PRPF38A: variants seen among roughly 807,000 people sequenced by gnomAD.
PRPF38A encodes the protein pre-mRNA processing factor 38A.
PRPF38A carries 11 observed loss-of-function variants against 46.8 expected under a neutral mutation model. The ratio of observed to expected loss-of-function variants is 0.24; its 90% CI spans 0.15 to 0.39. The LOEUF (loss-of-function observed/expected upper bound fraction) is 0.39. PRPF38A is among the 10% of genes least tolerant of loss of function. The pLI, the probability that PRPF38A is intolerant of heterozygous loss-of-function variation, is 1.00. For synonymous variants in PRPF38A, 124 were observed against 136.2 expected, an observed-to-expected ratio of 0.91 and a Z score of 0.62; for missense variants, 261 against 407.5, an observed-to-expected ratio of 0.64 and a Z score of 3.10.
intron 5 of PRPF38A, among the ~76,000 whole-genome samples, 163 bp from the exon 6 acceptor site, chr1:52,413,712 TGTTA>T (rs1160269281): frequency 6.6e-6 from 1 of 152,204 alleles, no homozygotes; most frequent in Non-Finnish European, 1.5e-5. Flanking sequence ...TAATAAGTTT[TGTTA>T]GTTAATAGGG....
At chr1:52,407,847 G>GGA (rs567902886) in intron 2 of PRPF38A, among the ~76,000 whole-genome samples, 35 of 152,238 alleles carry the variant, frequency 2.3e-4, no homozygotes, top group Non-Finnish European at 4.7e-4. Flanking sequence ...CCTGAGGTCA[G>GGA]GAGTTTGAGA....
At chr1:52,415,914 C>A (rs1045317228) in intron 9 of PRPF38A, among the ~76,000 whole-genome samples, 2 of 136,600 alleles carry the variant, frequency 1.5e-5, no homozygotes, top group African/African-American at 5.6e-5. Context: ...GCAATCTCGG[C>A]TCACTGCAAG....
chr1:52,413,502 C>T (rs1410769399), intron 5 of PRPF38A, among the ~76,000 whole-genome samples: 1 of 151,940 alleles, frequency 6.6e-6, no homozygotes, highest in Non-Finnish European at 1.5e-5. Flanking sequence ...CTCAAGCAGT[C>T]TTCCCATCTC....
chr1:52,415,047 G>GT (rs1305805942), intron 8 of PRPF38A, among the ~76,000 whole-genome samples, 188 bp downstream of exon 8: 1 of 152,194 alleles, frequency 6.6e-6, no homozygotes, highest in African/African-American at 2.4e-5. Context: ...GTTTGCTTTA[G>GT]TTTTTTCATC....
At chr1:52,412,677 G>A (rs1373656666) in intron 5 of PRPF38A, 53 bp downstream of exon 5, 1 of 1,234,320 alleles carries the variant, frequency 8.1e-7, no homozygotes, top group East Asian at 2.3e-5. Context: ...TAGAAAATGG[G>A]AATGGTTTTT....
chr1:52,408,771 T>A, intron 3 of PRPF38A, 81 bp downstream of exon 3: 1 of 1,505,468 alleles, frequency 6.6e-7, no homozygotes, highest in Non-Finnish European at 9.1e-7. Flanking sequence ...TGCATTGTCA[T>A]AGACAGTGTG....
chr1:52,413,857 G>T, intron 5 of PRPF38A, 22 bp from the exon 6 acceptor site: 1 of 1,506,764 alleles, frequency 6.6e-7, no homozygotes, highest in South Asian at 1.1e-5. Context: ...GCCTTTCAAT[G>T]ACCCAATCAT....
chr1:52,415,865 C>T lies in PRPF38A; in HGVS notation c.896+479C>T, dbSNP rs191581016. Among the ~76,000 whole-genome samples the T allele has an allele frequency of 1.5e-3, 129 of 83,380 alleles. 1 individual carries two copies. Among genetic ancestry groups the T allele is most frequent in the African/African-American group, 6.4e-3 (123 of 19,190 alleles). The allele number at this position is 83,380 out of a possible 152,430, so 54.7% of individuals were successfully genotyped here. A position where few individuals can be genotyped will look rare whatever the true frequency, so the allele number is the denominator to read the frequency against. On this transcript the variant is annotated intron_variant, in intron 9 of 9. Transcript: ENST00000257181. ...TTTTTTTTTTTTTTTTTTTTTGAGA[C>T]GGAGTCTCGCTCTGTCTCCCAGGCT... is the stretch of plus-strand genomic sequence containing the variant.
Position 52,404,622 on chromosome 1 carries a change from T to G in PRPF38A, c.-128T>G, listed in dbSNP as rs554329042. On this transcript the variant is annotated 5_prime_UTR_variant, in exon 1 of 10. Transcript: ENST00000257181. ...CCTTTACACTACGGTGTTTCCGGCT[T>G]CAAGATGGTCGCCTAAGCTGTTTAG... The G allele has an allele frequency of 2.3e-4, 240 of 1,045,246 alleles. 5 individuals are homozygous for G. In the South Asian group the frequency reaches 3.7e-3, roughly 16 times the overall value. The allele number at this position is 1,045,246 out of a possible 1,614,324, so 64.7% of individuals were successfully genotyped here.
At position 52,412,597 on chromosome 1, in the gene PRPF38A, T is replaced by C; in HGVS notation, c.582T>C (p.Ser194=). The change falls in exon 5 of 10, where the codon AGT becomes AGC. Residue 194 remains serine, a synonymous_variant. Transcript: ENST00000257181. Reference sequence around the variant, plus strand: ...AGGACATGGATGATGTGGAGTCCAGTGAAGAGGAAGAAGAGGAGGATGAGA... The same window carrying C: ...AGGACATGGATGATGTGGAGTCCAGCGAAGAGGAAGAAGAGGAGGATGAGA... ...LEEDMDDVES[S]EEEEEEDEKL... 1.2e-6 allele frequency: 2 copies of C among 1,613,186 alleles called. No homozygotes were observed. The highest frequency in any genetic ancestry group is 1.7e-6 in the Non-Finnish European group (2 of 1,179,212).
In PRPF38A at chr1:52,417,667, A is replaced by C. The variant is rs1056450644; in HGVS notation, c.*977A>C. 3 of 152,360 alleles carry C rather than the reference A, an allele frequency of 2.0e-5. No homozygotes were observed. The East Asian group carries it at 5.8e-4, about 29-fold the overall frequency. 9.4% of individuals were successfully genotyped at this position (152,360 alleles called of 1,614,324 possible). On this transcript the variant is annotated 3_prime_UTR_variant, in exon 10 of 10. Coordinates refer to ENST00000257181, the MANE Select transcript of PRPF38A (RefSeq NM_032864.4). The stretch of plus-strand genomic sequence containing the variant: ...AAGTTGGAGATAGGGACCAGAGTTT[A>C]ACATAGCGATCTAGGCCAGAATTGA...
chr1:52,412,903 G>A (rs1648185080), intron 5 of PRPF38A, among the ~76,000 whole-genome samples: 1 of 152,156 alleles, frequency 6.6e-6, no homozygotes, highest in Non-Finnish European at 1.5e-5. Flanking sequence ...CCAGGAGGCT[G>A]AGGCAGCAGA....
chr1:52,415,643 G>C (rs1207970548), intron 9 of PRPF38A, among the ~76,000 whole-genome samples: 1 of 151,954 alleles, frequency 6.6e-6, no homozygotes, highest in Non-Finnish European at 1.5e-5. Flanking sequence ...CTGCCTCCCG[G>C]GTTCAAGCTG....
At chr1:52,410,644 T>C (rs1294778615) in intron 3 of PRPF38A, among the ~76,000 whole-genome samples, 1 of 151,770 alleles carries the variant, frequency 6.6e-6, no homozygotes, top group Non-Finnish European at 1.5e-5. Context: ...TGGGATTACA[T>C]GTGCCCACCA....
chr1:52,411,849 T>C (rs1648157431), intron 4 of PRPF38A, among the ~76,000 whole-genome samples: 1 of 152,118 alleles, frequency 6.6e-6, no homozygotes, highest in African/African-American at 2.4e-5. Flanking sequence ...GAAAACCTAC[T>C]TTGAGGGCCC....
intron 2 of PRPF38A, among the ~76,000 whole-genome samples, chr1:52,407,995 G>T (rs1648044642): frequency 6.6e-6 from 1 of 152,272 alleles, no homozygotes. Flanking sequence ...GGTGGAGGCT[G>T]CAGTGAATTG....
intron 6 of PRPF38A, among the ~76,000 whole-genome samples, 154 bp downstream of exon 6, chr1:52,414,145 T>C (rs562734018): frequency 6.6e-6 from 1 of 152,316 alleles, no homozygotes; most frequent in South Asian, 2.1e-4. Flanking sequence ...TAAAACCTCA[T>C]TGGCAGACAA....
At chr1:52,408,769 C>A in intron 3 of PRPF38A, 79 bp downstream of exon 3, 1 of 1,508,400 alleles carries the variant, frequency 6.6e-7, no homozygotes, top group South Asian at 1.2e-5. Flanking sequence ...TTTGCATTGT[C>A]ATAGACAGTG....
chr1:52,415,554 TTC>T (rs935252621), intron 9 of PRPF38A, among the ~76,000 whole-genome samples, 168 bp downstream of exon 9: 39 of 152,328 alleles, frequency 2.6e-4, no homozygotes, highest in African/African-American at 7.5e-4. Context: ...TTTTTCTTTT[TTC>T]TCTTTTTTGA....
Sources: allele counts gnomAD v4.1 joint callset (sites outside exome capture counted in the v4.1 genomes callset), GRCh38; gene constraint gnomAD v4.1.1; transcripts MANE v1.5; gene names NCBI Gene and HGNC (gene_info 2026-07-23, HGNC 2026-07-21).